Variants in RAB9B observed in about 807,000 individuals in gnomAD.
RAB9B encodes ras-related protein Rab-9B.
In RAB9B, 1 loss-of-function variant was observed where a neutral mutation model predicts 8.9. The observed-to-expected ratio is 0.11, with a 90% confidence interval of 0.04 to 0.53. RAB9B has a LOEUF of 0.53. RAB9B is among the 20% of genes least tolerant of loss of function. The probability of loss-of-function intolerance (pLI) is 0.93; values close to 1 mark genes in which losing one functional copy is unlikely to be tolerated. For missense variants in RAB9B, 82 were observed against 152.9 expected (o/e 0.54, Z 2.45); for synonymous variants, 63 against 57.0 (o/e 1.10, Z -0.47).
At chrX:103,785,830 G>A in the RAB9B span, 5 of 1,021,769 alleles carry the variant, frequency 4.9e-6, no homozygotes, top group Non-Finnish European at 6.9e-6. Context: ...CCTGGAGATA[G>A]AGAACTCTTC....
intron 1 of RAB9B, among the ~76,000 whole-genome samples, chrX:103,829,971 C>G (rs754424567): frequency 1.1e-4 from 12 of 111,330 alleles, no homozygotes; most frequent in Non-Finnish European, 9.4e-5. Flanking sequence ...ATCCATAGTT[C>G]TGTAAGATGC....
chrX:103,793,064 G>A, the RAB9B span, among the ~76,000 whole-genome samples: 10 of 112,045 alleles, frequency 8.9e-5, no homozygotes, highest in East Asian at 2.5e-3. Context: ...TAATTCATAC[G>A]TGACTAATAT....
At chrX:103,776,353 G>C in the RAB9B span, among the ~76,000 whole-genome samples, 2 of 110,316 alleles carry the variant, frequency 1.8e-5, no homozygotes, top group African/African-American at 6.6e-5. Flanking sequence ...GGGTGGGGGT[G>C]GGGGAGGAAC....
downstream of RAB9B, among the ~76,000 whole-genome samples, chrX:103,819,991 G>A (rs1188569982): frequency 8.9e-6 from 1 of 112,116 alleles, no homozygotes; most frequent in East Asian, 2.8e-4. Context: ...TCACAAGGGT[G>A]AAGCCCTCAT....
the RAB9B span, among the ~76,000 whole-genome samples, chrX:103,807,276 A>C: frequency 8.9e-6 from 1 of 111,857 alleles, no homozygotes; most frequent in African/African-American, 3.2e-5. Flanking sequence ...CTGAAACCTG[A>C]ATGATTGAAA....
the RAB9B span, chrX:103,776,691 T>C: frequency 3.3e-6 from 1 of 306,182 alleles, no homozygotes; most frequent in East Asian, 4.9e-5. Flanking sequence ...AATGAAACAA[T>C]TGGCAGTGAA....
the RAB9B span, chrX:103,781,121 C>T: frequency 4.4e-6 from 1 of 229,246 alleles, no homozygotes; most frequent in South Asian, 4.6e-5. Context: ...CCATTCCTTT[C>T]GATGAAAGCC....
the RAB9B span, among the ~76,000 whole-genome samples, chrX:103,779,580 G>A: frequency 2.7e-5 from 3 of 111,964 alleles, no homozygotes; most frequent in East Asian, 2.8e-4. Context: ...CCCTTTGGCC[G>A]TGCAGAGCCA....
chrX:103,814,503 C>T, the RAB9B span, among the ~76,000 whole-genome samples: 1 of 111,345 alleles, frequency 9.0e-6, no homozygotes, highest in East Asian at 2.8e-4. Context: ...CTAAAATCGA[C>T]ACCCTAACAT....
downstream of RAB9B, among the ~76,000 whole-genome samples, chrX:103,821,167 A>G: frequency 9.4e-6 from 1 of 106,018 alleles, no homozygotes; most frequent in East Asian, 2.9e-4. Context: ...ACCCTGTCTC[A>G]AAAAAAAAAA....
the RAB9B span, among the ~76,000 whole-genome samples, chrX:103,812,923 GT>G: frequency 3.3e-3 from 319 of 95,771 alleles, 1 homozygote; most frequent in South Asian, 0.01. Flanking sequence ...CGGTTCCTGA[GT>G]TTTTTTTTTT....
the RAB9B span, among the ~76,000 whole-genome samples, chrX:103,813,150 T>A: frequency 9.1e-6 from 1 of 109,851 alleles, no homozygotes; most frequent in Admixed American, 9.8e-5. Flanking sequence ...CTCGATCTCC[T>A]CATCTTGTGA....
the RAB9B span, among the ~76,000 whole-genome samples, chrX:103,797,951 C>A: frequency 9.0e-6 from 1 of 111,133 alleles, no homozygotes; most frequent in Non-Finnish European, 1.9e-5. Context: ...GAGCCCACAT[C>A]CCCCCGCCAT....
the RAB9B span, among the ~76,000 whole-genome samples, chrX:103,778,363 C>T: frequency 2.7e-5 from 3 of 111,875 alleles, no homozygotes. Flanking sequence ...GTTTTCTTTG[C>T]GTGCTTGGGT....
chrX:103,784,754 C>A, the RAB9B span, among the ~76,000 whole-genome samples: 1 of 112,165 alleles, frequency 8.9e-6, no homozygotes, highest in South Asian at 3.7e-4. Flanking sequence ...TACTTGGCTG[C>A]CTGAATTGTT....
chrX:103,795,568 C>A, the RAB9B span, among the ~76,000 whole-genome samples: 1 of 111,499 alleles, frequency 9.0e-6, no homozygotes, highest in Non-Finnish European at 1.9e-5. Context: ...ACATGTAGAC[C>A]AACTTTAAAA....
the RAB9B span, chrX:103,789,343 C>A: frequency 1.7e-6 from 2 of 1,207,078 alleles, no homozygotes; most frequent in Admixed American, 4.3e-5. Flanking sequence ...TTCCAAATGA[C>A]CTTCCACCTG....
the RAB9B span, chrX:103,788,396 TC>T: frequency 1.2e-5 from 12 of 1,012,353 alleles, no homozygotes; most frequent in African/African-American, 7.5e-5. Flanking sequence ...GCCCCGTAAC[TC>T]CATAAAGCTT....
the RAB9B span, among the ~76,000 whole-genome samples, chrX:103,784,981 T>A: frequency 8.9e-6 from 1 of 112,560 alleles, no homozygotes; most frequent in Non-Finnish European, 1.9e-5. Flanking sequence ...GATTTCATAA[T>A]CTCTCTGGCT....
Sources: gnomAD v4.1 joint callset for allele counts (sites outside exome capture counted in the v4.1 genomes callset) on GRCh38, gnomAD v4.1.1 for gene constraint, MANE v1.5 for transcripts, NCBI Gene and HGNC (gene_info 2026-07-23, HGNC 2026-07-21) for gene names.